HS3ST5: variants seen among roughly 807,000 people sequenced by gnomAD.
HS3ST5 encodes heparan sulfate glucosamine 3-O-sulfotransferase 5.
In HS3ST5, 10 loss-of-function variants were observed where a neutral mutation model predicts 25.4. That is an observed-to-expected ratio of 0.39 (90% CI 0.24 to 0.67). The LOEUF (loss-of-function observed/expected upper bound fraction) is 0.67. Among genes scored for constraint, HS3ST5 ranks in the 30% least tolerant of loss-of-function variants. The pLI, the probability that HS3ST5 is intolerant of heterozygous loss-of-function variation, is 0.44. For synonymous variants in HS3ST5, 170 were observed against 162.4 expected (o/e 1.05, Z -0.36); for missense variants, 324 against 420.7 (o/e 0.77, Z 2.01).
chr6:114,217,403 T>C (rs1243337970), intron 2 of HS3ST5, among the ~76,000 whole-genome samples: 1 of 152,208 alleles, frequency 6.6e-6, no homozygotes, highest in Non-Finnish European at 1.5e-5. Context: ...TATATGCATA[T>C]GCATATGTAT....
intron 1 of HS3ST5, among the ~76,000 whole-genome samples, chr6:114,257,325 CA>C (rs1772976047): frequency 6.6e-6 from 1 of 152,140 alleles, no homozygotes; most frequent in Non-Finnish European, 1.5e-5. Flanking sequence ...AGGCACTTTC[CA>C]AATAGTAGAT....
chr6:114,224,108 A>T (rs1320986482), intron 2 of HS3ST5, among the ~76,000 whole-genome samples: 1 of 151,484 alleles, frequency 6.6e-6, no homozygotes, highest in African/African-American at 2.4e-5. Flanking sequence ...AAGATTTTTA[A>T]TTCCTAATTT....
intron 3 of HS3ST5, among the ~76,000 whole-genome samples, chr6:114,163,901 T>C (rs1004054738): frequency 7.9e-5 from 12 of 152,110 alleles, no homozygotes; most frequent in African/African-American, 2.9e-4. Flanking sequence ...CATTTATTAG[T>C]TTACTAATCT....
At chr6:114,317,766 G>A in intron 1 of HS3ST5, among the ~76,000 whole-genome samples, 1 of 114,330 alleles carries the variant, frequency 8.7e-6, no homozygotes, top group East Asian at 3.0e-4. Flanking sequence ...TAAGGGCCAT[G>A]AAGGAACCAT....
In HS3ST5 at chr6:114,057,943, C is replaced by T. The variant is rs778620923; in HGVS notation, c.355G>A (p.Ala119Thr). Residue 119 changes from alanine to threonine, a missense_variant, in exon 5 of 5, where the codon GCC becomes ACC. By Grantham distance (58) the Ala-to-Thr change is moderately conservative. Coordinates refer to ENST00000312719, the MANE Select transcript of HS3ST5 (RefSeq NM_153612.4). ...MLNLHPAVVK[A>T]SQEIHFFDND... ...TCAAAAAAGTGGATTTCTTGAGAGGCTTTGACTACTGCCGGATGTAGGTTC... is the reference window on the plus strand; with the variant it reads ...TCAAAAAAGTGGATTTCTTGAGAGGTTTTGACTACTGCCGGATGTAGGTTC... The T allele has an allele frequency of 5.0e-6, 8 of 1,614,206 alleles. No individual in the cohort carries two copies. In the Admixed American group the frequency reaches 1.0e-4, roughly 20 times the overall value.
At chr6:114,217,575 C>A (rs1051868343) in intron 2 of HS3ST5, among the ~76,000 whole-genome samples, 4 of 152,164 alleles carry the variant, frequency 2.6e-5, no homozygotes, top group African/African-American at 9.7e-5. Context: ...TTTGGAATAG[C>A]ACAAATGAGA....
chr6:114,084,520 GC>G (rs1266186258), intron 3 of HS3ST5: 2 of 758,818 alleles, frequency 2.6e-6, no homozygotes, highest in Non-Finnish European at 4.8e-6. Context: ...AACTTCCCGA[GC>G]CGGCGTCCAC....
At chr6:114,224,128 G>C (rs1562243809) in intron 2 of HS3ST5, among the ~76,000 whole-genome samples, 1 of 151,472 alleles carries the variant, frequency 6.6e-6, no homozygotes, top group African/African-American at 2.4e-5. Flanking sequence ...TCTTTAGATA[G>C]CATTTTCCCA....
chr6:114,256,379 C>T (rs1341244888), intron 1 of HS3ST5, among the ~76,000 whole-genome samples: 1 of 149,838 alleles, frequency 6.7e-6, no homozygotes, highest in East Asian at 2.0e-4. Flanking sequence ...CAGAGCAAGA[C>T]TCCCTCTCAA....
chr6:114,117,082 C>T (rs1419085067), intron 3 of HS3ST5, among the ~76,000 whole-genome samples: 2 of 152,102 alleles, frequency 1.3e-5, no homozygotes, highest in South Asian at 2.1e-4. Context: ...ATTCCTCCCC[C>T]TCCCCATTCC....
chr6:114,302,088 T>A (rs991505680), intron 1 of HS3ST5, among the ~76,000 whole-genome samples: 1 of 152,198 alleles, frequency 6.6e-6, no homozygotes, highest in African/African-American at 2.4e-5. Flanking sequence ...CCCAGAAAGG[T>A]ATTGAATGTA....
At chr6:114,115,365 A>G (rs1776468671) in intron 3 of HS3ST5, among the ~76,000 whole-genome samples, 1 of 152,132 alleles carries the variant, frequency 6.6e-6, no homozygotes, top group Admixed American at 6.6e-5. Flanking sequence ...TGAAGTTAGC[A>G]GTCTCAGAAC....
chr6:114,225,306 T>C (rs544303052), intron 2 of HS3ST5, among the ~76,000 whole-genome samples: 1 of 151,984 alleles, frequency 6.6e-6, no homozygotes, highest in Non-Finnish European at 1.5e-5. Flanking sequence ...AATATCCCCA[T>C]GTACCTTCTA....
intron 1 of HS3ST5, chr6:114,235,555 T>G (rs1771816502): frequency 6.6e-6 from 1 of 152,174 alleles, no homozygotes; most frequent in Non-Finnish European, 1.5e-5. Flanking sequence ...TTAGAGAAGC[T>G]AAAATTGTTA....
intron 1 of HS3ST5, among the ~76,000 whole-genome samples, chr6:114,258,935 T>G (rs1452815384): frequency 6.6e-6 from 1 of 152,152 alleles, no homozygotes; most frequent in African/African-American, 2.4e-5. Flanking sequence ...AAACAAACAT[T>G]AATACAGAGG....
At chr6:114,262,463 C>T (rs973835640) in intron 1 of HS3ST5, among the ~76,000 whole-genome samples, 1 of 151,870 alleles carries the variant, frequency 6.6e-6, no homozygotes, top group Non-Finnish European at 1.5e-5. Context: ...AGGAGAATGG[C>T]GTGAACCCAG....
chr6:114,242,168 G>A (rs79276444), intron 1 of HS3ST5, among the ~76,000 whole-genome samples: 1 of 152,094 alleles, frequency 6.6e-6, no homozygotes, highest in Non-Finnish European at 1.5e-5. Context: ...GGATCTGATT[G>A]AATTTTTAGG....
chr6:114,129,341 C>T (rs1038704995), intron 3 of HS3ST5, among the ~76,000 whole-genome samples: 2 of 150,850 alleles, frequency 1.3e-5, no homozygotes, highest in African/African-American at 2.4e-5. Flanking sequence ...CTGCAAGCTC[C>T]GCCTCCTGGG....
chr6:114,168,601 C>T (rs1304157742), intron 2 of HS3ST5, 139 bp from the exon 3 acceptor site: 2 of 152,084 alleles, frequency 1.3e-5, no homozygotes, highest in African/African-American at 4.8e-5. Flanking sequence ...ATTTCTTTCT[C>T]TCTTTCTTTT....
Sources: allele counts gnomAD v4.1 joint callset (sites outside exome capture counted in the v4.1 genomes callset), GRCh38; gene constraint gnomAD v4.1.1; transcripts MANE v1.5; gene names NCBI Gene and HGNC (gene_info 2026-07-23, HGNC 2026-07-21).